CNOT1: variants seen among roughly 807,000 people sequenced by gnomAD.
CNOT1 encodes the protein CCR4-associated factor 1.
Under a neutral mutation model 273.8 loss-of-function variants are expected in CNOT1, and 15 were observed. The observed-to-expected ratio is 0.05, with a 90% CI of 0.04 to 0.08. The LOEUF (loss-of-function observed/expected upper bound fraction) is 0.08, where lower values mean the gene tolerates loss of function less well. Ranked by LOEUF, CNOT1 falls within the 10% of genes least tolerant of loss-of-function variation. CNOT1 has a pLI of 1.00. For missense variants in CNOT1, 1,644 were observed against 2,912.2 expected (o/e 0.56, Z 10.02); for synonymous variants, 1,022 against 1,005.5 (o/e 1.02, Z -0.31).
intron 1 of CNOT1, among the ~76,000 whole-genome samples, chr16:58,612,472 C>A (rs974809912): frequency 4.6e-5 from 7 of 152,260 alleles, no homozygotes; most frequent in African/African-American, 1.7e-4. Context: ...GGCGCCGTGG[C>A]TCACACCTGT....
In CNOT1 at chr16:58,547,199, C is replaced by T. The variant is rs1387339421; in HGVS notation, c.3737G>A (p.Ser1246Asn). ...AAATCTACTCACCACACTACGAATGCTAGATTCTAAGACTTTGGCAACAAA... is the reference window on the plus strand; with the variant it reads ...AAATCTACTCACCACACTACGAATGTTAGATTCTAAGACTTTGGCAACAAA... ...VPFVAKVLES[S>N]IRSVVFRPPN... is the part of the protein sequence containing the mutation. Residue 1246 changes from serine to asparagine, a missense_variant, in exon 27 of 49, where the codon AGC becomes AAC. Physicochemically the swap from Ser to Asn is conservative, Grantham distance 46. Transcript: ENST00000317147. This position sits in a 1 kb window ranked among gnomAD's most constrained non-coding sequence, Gnocchi z 4.0. 4 of 1,612,724 alleles carry T rather than the reference C, an allele frequency of 2.5e-6. No homozygotes were observed. The highest frequency in any genetic ancestry group is 3.4e-6 in the Non-Finnish European group (4 of 1,179,418).
chr16:58,541,439 TA>T, intron 34 of CNOT1, 61 bp downstream of exon 34: 1 of 1,581,356 alleles, frequency 6.3e-7, no homozygotes, highest in Non-Finnish European at 8.6e-7. Context: ...AAACATATAT[TA>T]AATGTCAAAA....
chr16:58,549,641 G>C, intron 25 of CNOT1, 78 bp downstream of exon 25: 1 of 1,500,794 alleles, frequency 6.7e-7, no homozygotes. Flanking sequence ...TGGAAAAATA[G>C]CAAAAATCCT....
rs758038101 is a variant in CNOT1 at position 58,520,913 on chromosome 16, A to G, written c.*45T>C. 1.4e-5 allele frequency: 22 copies of G among 1,574,162 alleles called. No individual in the cohort carries two copies. Among genetic ancestry groups the G allele is most frequent in the Non-Finnish European group, 1.9e-5 (22 of 1,150,126 alleles). ...TTCAGTCAGTTTATGAACTCGGTGCAGTGAGACCTCTAGACTGACACGTAC... is the reference window on the plus strand; with the variant it reads ...TTCAGTCAGTTTATGAACTCGGTGCGGTGAGACCTCTAGACTGACACGTAC... On this transcript the variant is annotated 3_prime_UTR_variant, in exon 49 of 49. Transcript: ENST00000317147.
intron 1 of CNOT1, among the ~76,000 whole-genome samples, chr16:58,617,374 AT>A (rs1397665258): frequency 6.6e-6 from 1 of 151,886 alleles, no homozygotes; most frequent in African/African-American, 2.4e-5. Flanking sequence ...AATTTTTTTA[AT>A]TAAAAAAAAA....
intron 7 of CNOT1, 41 bp downstream of exon 7, chr16:58,586,504 C>A (rs1292316343): frequency 1.3e-6 from 2 of 1,588,082 alleles, no homozygotes; most frequent in African/African-American, 1.4e-5. Context: ...CTGTGGTCAT[C>A]CAAGAAAACC....
intron 25 of CNOT1, among the ~76,000 whole-genome samples, chr16:58,548,032 T>C (rs1446427426): frequency 1.3e-5 from 2 of 152,192 alleles, no homozygotes; most frequent in African/African-American, 2.4e-5. Flanking sequence ...GAGACCTAAC[T>C]ACAAAGCTAT....
At chr16:58,534,012 C>T (rs1438711993) in intron 40 of CNOT1, 135 bp downstream of exon 40, 4 of 1,120,940 alleles carry the variant, frequency 3.6e-6, no homozygotes, top group Non-Finnish European at 4.4e-6. Flanking sequence ...TTCCCAGCTA[C>T]TTCGGAGGCA....
chr16:58,570,281 G>C (rs1157434202), intron 16 of CNOT1, among the ~76,000 whole-genome samples: 1 of 152,118 alleles, frequency 6.6e-6, no homozygotes, highest in Non-Finnish European at 1.5e-5. Flanking sequence ...ACCTGAATCC[G>C]TATGAAAAAC....
chr16:58,539,122 T>C (rs1413703355), intron 35 of CNOT1, among the ~76,000 whole-genome samples: 1 of 151,740 alleles, frequency 6.6e-6, no homozygotes, highest in Non-Finnish European at 1.5e-5. Context: ...TTCATTGTCA[T>C]AAAAGGCTCT....
intron 1 of CNOT1, among the ~76,000 whole-genome samples, chr16:58,620,855 A>G (rs2043284051): frequency 6.6e-6 from 1 of 152,104 alleles, no homozygotes; most frequent in African/African-American, 2.4e-5. Flanking sequence ...TTTTGGCAGA[A>G]ATATAAAAAA....
At position 58,539,811 on chromosome 16, in the gene CNOT1, C is replaced by T; in HGVS notation, c.4949G>A (p.Arg1650Gln). 2 of 1,613,984 alleles carry T rather than the reference C, an allele frequency of 1.2e-6. No homozygotes were observed. The highest frequency in any genetic ancestry group is 1.1e-5 in the South Asian group (1 of 91,046). ...AGCAGCTATGGCATCCCGAGAGTTT[C>T]GAGATAAAACTACAACCTCCAAGAG... ...RSLLEVVVLS[R>Q]NSRDAIAALG... Residue 1650 changes from arginine to glutamine, a missense_variant, in exon 35 of 49, where the codon CGA (arginine) becomes CAA (glutamine). Around this residue, in one of 13 missense-constraint regions of CNOT1, gnomAD observed 170 missense variants for 273.1 expected, o/e 0.62. Coordinates refer to ENST00000317147, the MANE Select transcript of CNOT1 (RefSeq NM_016284.5).
intron 39 of CNOT1, among the ~76,000 whole-genome samples, chr16:58,534,597 G>A (rs1389055582): frequency 6.6e-6 from 1 of 152,146 alleles, no homozygotes; most frequent in Non-Finnish European, 1.5e-5. Flanking sequence ...TAAGTTTAAT[G>A]TAGAACAGGG....
intron 13 of CNOT1, among the ~76,000 whole-genome samples, chr16:58,577,790 T>C (rs944474954): frequency 6.7e-6 from 1 of 149,910 alleles, no homozygotes; most frequent in African/African-American, 2.5e-5. Flanking sequence ...CAGTGAGACA[T>C]GTTTGCATCA....
At chr16:58,538,958 C>T in intron 35 of CNOT1, 44 bp from the exon 36 acceptor site, 1 of 1,595,154 alleles carries the variant, frequency 6.3e-7, no homozygotes, top group Non-Finnish European at 8.6e-7. Flanking sequence ...AAATACAGTG[C>T]TTGGCCCAAC....
chr16:58,538,921 GAGAA>G lies in CNOT1; in HGVS notation c.4993-11_4993-8del, dbSNP rs1388861754. 6.2e-7 allele frequency: 1 copy of G among 1,608,512 alleles called. No homozygotes were observed. The highest frequency in any genetic ancestry group is 8.5e-7 in the Non-Finnish European group (1 of 1,178,374). On this transcript the variant is annotated splice_polypyrimidine_tract_variant and splice_region_variant and intron_variant, in intron 35 of 48. Transcript: ENST00000317147. Reference sequence around the variant, plus strand: ...CTAGTAAGCCCTCTACAGCCTATGGGAGAAAGAAAGCGTTCAAAACCATGAAAAA... The same window carrying G: ...CTAGTAAGCCCTCTACAGCCTATGGGAGAAAGCGTTCAAAACCATGAAAAA...
chr16:58,559,472 T>C (rs1477189634), intron 17 of CNOT1, among the ~76,000 whole-genome samples: 1 of 151,756 alleles, frequency 6.6e-6, no homozygotes, highest in Non-Finnish European at 1.5e-5. Flanking sequence ...AAAATAAATT[T>C]AGTCGAAATT....
At chr16:58,579,949 C>T (rs1482717838) in intron 12 of CNOT1, among the ~76,000 whole-genome samples, 4 of 152,170 alleles carry the variant, frequency 2.6e-5, no homozygotes, top group Admixed American at 6.5e-5. Flanking sequence ...GTAGCTCACA[C>T]CTGCAATCCC....
chr16:58,539,703 G>T, intron 35 of CNOT1, 65 bp downstream of exon 35: 1 of 1,422,928 alleles, frequency 7.0e-7, no homozygotes, highest in Non-Finnish European at 9.5e-7. Flanking sequence ...TATGTAGATG[G>T]TGGTGCAGGT....
Sources: allele counts gnomAD v4.1 joint callset (sites outside exome capture counted in the v4.1 genomes callset), GRCh38; gene constraint gnomAD v4.1.1; regional missense constraint gnomAD v4.1.1; non-coding constraint Gnocchi (gnomAD v3.1); transcripts MANE v1.5; gene names NCBI Gene and HGNC (gene_info 2026-07-23, HGNC 2026-07-21).